ABCA13: variants seen among roughly 807,000 people sequenced by gnomAD.
ABCA13 encodes the protein ATP binding cassette subfamily A member 13.
A neutral mutation model predicts 478.7 loss-of-function variants in ABCA13; 476 were observed. That is an observed-to-expected ratio of 0.99 (90% CI 0.92 to 1.07). ABCA13 has a LOEUF of 1.07. ABCA13 is among the 50% of genes least tolerant of loss of function. The pLI is 0.00. For missense variants in ABCA13, 6,060 were observed against 5,910.6 expected (o/e 1.03, Z -0.83); for synonymous variants, 2,252 against 2,158.9 (o/e 1.04, Z -1.20).
intron 42 of ABCA13, among the ~76,000 whole-genome samples, chr7:48,437,769 C>T (rs1823037739): frequency 6.6e-6 from 1 of 151,922 alleles, no homozygotes; most frequent in Admixed American, 6.6e-5. Context: ...ATTAGTGATC[C>T]CCTGGGTCTT....
chr7:48,447,942 T>C (rs1302598881), intron 42 of ABCA13, among the ~76,000 whole-genome samples: 1 of 152,078 alleles, frequency 6.6e-6, no homozygotes, highest in Non-Finnish European at 1.5e-5. Context: ...AAGAGAAGAT[T>C]TGATAGTAGG....
rs1416058366 is a variant in ABCA13, at chr7:48,645,589, G to A, written c.*77G>A. On this transcript the variant is annotated 3_prime_UTR_variant, in exon 62 of 62. Transcript: ENST00000435803. ...ACAGTCAAGGATAAAACAAGCACGC[G>A]CACAATCAAGGAGCTGGAACACACT... 1.1e-5 allele frequency: 13 copies of A among 1,193,056 alleles called. No homozygotes were observed. The highest frequency in any genetic ancestry group is 4.2e-5 in the South Asian group (3 of 72,082). 73.9% of individuals were successfully genotyped at this position (1,193,056 alleles called of 1,614,324 possible).
chr7:48,223,988 G>T (rs1349680144), intron 5 of ABCA13, among the ~76,000 whole-genome samples: 5 of 150,778 alleles, frequency 3.3e-5, no homozygotes, highest in Non-Finnish European at 5.9e-5. Flanking sequence ...GAGAGAGAGA[G>T]AGAGAATGGG....
At chr7:48,477,032 T>A (rs1418189520) in intron 45 of ABCA13, among the ~76,000 whole-genome samples, 3 of 152,184 alleles carry the variant, frequency 2.0e-5, no homozygotes, top group African/African-American at 7.2e-5. Context: ...TCCAGGATAA[T>A]CTTCTGGACT....
At chr7:48,292,188 T>C (rs1798631661) in intron 20 of ABCA13, among the ~76,000 whole-genome samples, 1 of 152,076 alleles carries the variant, frequency 6.6e-6, no homozygotes, top group Non-Finnish European at 1.5e-5. Context: ...ACTTTACTCA[T>C]CTGAAAAAAA....
intron 47 of ABCA13, among the ~76,000 whole-genome samples, chr7:48,487,308 C>CAAAA (rs201286870): frequency 1.8e-5 from 2 of 110,854 alleles, no homozygotes; most frequent in African/African-American, 3.7e-5. Flanking sequence ...AACTGTGTCT[C>CAAAA]AAAAAAAAAA....
rs371832421 is a variant in ABCA13 at position 48,455,168 on chromosome 7, C to G, written c.12697C>G (p.Pro4233Ala). ...GKSTLADLLLPVLFVALAMGL... is the reference protein window; with the variant it reads ...GKSTLADLLLAVLFVALAMGL... Reference sequence around the variant, plus strand: ...GAGCACCCTCGCCGACCTGCTGCTGCCAGTCCTCTTCGTGGCCTTGGCCAT... The same window carrying G: ...GAGCACCCTCGCCGACCTGCTGCTGGCAGTCCTCTTCGTGGCCTTGGCCAT... The change falls in exon 43 of 62, where the codon CCA (proline) becomes GCA (alanine). Residue 4233 changes from proline to alanine, a missense_variant. By Grantham distance (27) the Pro-to-Ala change is conservative. Transcript: ENST00000435803. 28 of 1,586,122 alleles carry G rather than the reference C, an allele frequency of 1.8e-5. No individual in the cohort carries two copies. The highest frequency in any genetic ancestry group is 2.1e-5 in the Non-Finnish European group (25 of 1,166,602).
chr7:48,313,505 A>G (rs1438574720), intron 25 of ABCA13, among the ~76,000 whole-genome samples: 2 of 152,218 alleles, frequency 1.3e-5, no homozygotes, highest in African/African-American at 4.8e-5. Context: ...GTAAGAAATT[A>G]CTAACTCAGT....
intron 58 of ABCA13, among the ~76,000 whole-genome samples, chr7:48,599,365 G>T (rs1053290553): frequency 6.7e-6 from 1 of 150,178 alleles, no homozygotes; most frequent in African/African-American, 2.5e-5. Flanking sequence ...TACCAGAGGG[G>T]TTACAGTTTT....
At chr7:48,190,332 T>C (rs1185507341) in intron 1 of ABCA13, among the ~76,000 whole-genome samples, 1 of 152,188 alleles carries the variant, frequency 6.6e-6, no homozygotes, top group Non-Finnish European at 1.5e-5. Context: ...GATTTCATAA[T>C]GTGCATTGGT....
rs546484500 is a variant in ABCA13, at chr7:48,313,599, C to T, written c.9681+368C>T. On this transcript the variant is annotated intron_variant, in intron 25 of 61. Transcript: ENST00000435803. ...TCAAAAACCTTAAAACATATATTTA[C>T]TTATAAATAATTGGCTTACAAGTTA... Among the ~76,000 whole-genome samples the T allele has an allele frequency of 1.3e-5, 2 of 152,324 alleles. 1 individual carries two copies. Among genetic ancestry groups the T allele is most frequent in the South Asian group, 4.1e-4 (2 of 4,830 alleles).
At chr7:48,335,065 A>C (rs1027975363) in intron 27 of ABCA13, among the ~76,000 whole-genome samples, 2 of 152,228 alleles carry the variant, frequency 1.3e-5, no homozygotes, top group Admixed American at 1.3e-4. Flanking sequence ...GGGTACCATT[A>C]AACAAGTAAG....
chr7:48,281,182 G>T (rs967166109), intron 18 of ABCA13, among the ~76,000 whole-genome samples, 161 bp from the exon 19 acceptor site: 1 of 152,190 alleles, frequency 6.6e-6, no homozygotes, highest in Non-Finnish European at 1.5e-5. Flanking sequence ...GGTCCAGAAT[G>T]TGTTATCTGT....
At chr7:48,381,843 T>C (rs1003828963) in intron 35 of ABCA13, among the ~76,000 whole-genome samples, 2 of 152,172 alleles carry the variant, frequency 1.3e-5, no homozygotes, top group African/African-American at 4.8e-5. Flanking sequence ...CATCTGGTAA[T>C]GTGAGCAGGT....
chr7:48,293,316 C>T (rs1171214657), intron 20 of ABCA13, among the ~76,000 whole-genome samples: 2 of 151,486 alleles, frequency 1.3e-5, no homozygotes, highest in South Asian at 2.1e-4. Flanking sequence ...TTCCTTGGAA[C>T]ATATATTTGT....
At chr7:48,250,272 C>T (rs1004931305) in intron 15 of ABCA13, among the ~76,000 whole-genome samples, 9 of 152,166 alleles carry the variant, frequency 5.9e-5, no homozygotes, top group Non-Finnish European at 2.9e-5. Flanking sequence ...GAACACTGTC[C>T]TTTTGGGTTT....
chr7:48,198,322 G>C lies in ABCA13; in HGVS notation c.249G>C (p.Arg83Ser). 6.2e-7 allele frequency: 1 copy of C among 1,613,800 alleles called. No individual in the cohort carries two copies. Among genetic ancestry groups the C allele is most frequent in the Non-Finnish European group, 8.5e-7 (1 of 1,179,836 alleles). ...SLLCNTGSRCRNFSYEGSMEH... is the reference protein window; with the variant it reads ...SLLCNTGSRCSNFSYEGSMEH... ...TTTGTAACACTGGATCAAGGTGTAG[G>C]AACTTCAGCTATGAAGGGTCAATGG... Residue 83 changes from arginine (R) to serine (S), a missense_variant, in exon 3 of 62, where the codon AGG (arginine) becomes AGC (serine). Physicochemically the swap from Arg to Ser is moderately radical, Grantham distance 110. Coordinates refer to ENST00000435803, the MANE Select transcript of ABCA13 (RefSeq NM_152701.5).
intron 29 of ABCA13, among the ~76,000 whole-genome samples, chr7:48,350,013 T>C (rs1370959080): frequency 3.9e-5 from 6 of 152,166 alleles, no homozygotes; most frequent in Non-Finnish European, 8.8e-5. Context: ...AGAGTGAAAA[T>C]ACTGAGATAT....
chr7:48,618,662 C>T (rs2131582672), intron 59 of ABCA13, among the ~76,000 whole-genome samples: 1 of 152,202 alleles, frequency 6.6e-6, no homozygotes, highest in East Asian at 1.9e-4. Context: ...ATAGGGCAAG[C>T]AGGCCTAGGA....
Sources: allele counts gnomAD v4.1 joint callset (sites outside exome capture counted in the v4.1 genomes callset), GRCh38; gene constraint gnomAD v4.1.1; transcripts MANE v1.5; gene names NCBI Gene and HGNC (gene_info 2026-07-23, HGNC 2026-07-21).